Variants in C21orf58 observed in about 807,000 individuals in gnomAD.
C21orf58 encodes the protein uncharacterized protein C21orf58.
A neutral mutation model predicts 35.8 loss-of-function variants in C21orf58; 34 were observed. The observed-to-expected ratio is 0.95, with a 90% CI of 0.72 to 1.26. The LOEUF (loss-of-function observed/expected upper bound fraction) is 1.26, where lower values mean the gene tolerates loss of function less well. C21orf58 is among the 50% of genes most tolerant of loss of function. C21orf58 has a pLI of 0.00. For missense variants in C21orf58, 440 were observed against 414.3 expected, an observed-to-expected ratio of 1.06 and a Z score of -0.54; for synonymous variants, 191 against 175.8, an observed-to-expected ratio of 1.09 and a Z score of -0.68.
rs1174487581 is a variant in C21orf58 at position 46,301,928 on chromosome 21, C to T, written c.*71G>A. The T allele has an allele frequency of 3.4e-5, 48 of 1,400,652 alleles. No individual in the cohort carries two copies. Among genetic ancestry groups the T allele is most frequent in the South Asian group, 2.4e-4 (15 of 61,556 alleles). The allele number at this position is 1,400,652 out of a possible 1,614,324, so 86.8% of individuals were successfully genotyped here. On this transcript the variant is annotated 3_prime_UTR_variant, in exon 8 of 8. Coordinates refer to ENST00000291691, the MANE Select transcript of C21orf58 (RefSeq NM_058180.5). ...CTCTCCCTGCTCCCTTCCATAGTCC[C>T]GCCACAGCCCACAGCCCTGAGGAAG...
intron 6 of C21orf58, among the ~76,000 whole-genome samples, chr21:46,309,777 A>G (rs908369120): frequency 2.6e-5 from 4 of 151,820 alleles, no homozygotes; most frequent in South Asian, 2.1e-4. Flanking sequence ...TGGGTGGATC[A>G]TGAGGTCAGG....
intron 6 of C21orf58, among the ~76,000 whole-genome samples, chr21:46,305,835 G>A (rs777927672): frequency 4.6e-5 from 7 of 152,070 alleles, no homozygotes; most frequent in African/African-American, 1.2e-4. Context: ...CCAGCTACTC[G>A]GAAGGCTGAG....
At chr21:46,304,005 C>A (rs1953051762) in intron 6 of C21orf58, among the ~76,000 whole-genome samples, 1 of 136,134 alleles carries the variant, frequency 7.3e-6, no homozygotes, top group South Asian at 2.4e-4. Flanking sequence ...CCTGCCTTGG[C>A]TTCCCAAAGT....
chr21:46,301,908 C>T lies in C21orf58; in HGVS notation c.*91G>A, dbSNP rs1169785260. ...ACTCCGGGTGGTGGCAGGGTCTCTC[C>T]CTGCTCCCTTCCATAGTCCCGCCAC... is the stretch of plus-strand genomic sequence containing the variant. On this transcript the variant is annotated 3_prime_UTR_variant, in exon 8 of 8. Transcript: ENST00000291691. 7.3e-7 allele frequency: 1 copy of T among 1,377,586 alleles called. No individual in the cohort carries two copies. The highest frequency in any genetic ancestry group is 1.5e-5 in the African/African-American group (1 of 66,788). 85.3% of individuals were successfully genotyped at this position (1,377,586 alleles called of 1,614,324 possible).
rs768036837 is a variant in C21orf58, at chr21:46,322,714, T to C, written c.25A>G (p.Thr9Ala). MARSRLPATSLRKPWKLDR... is the reference protein window; with the variant it reads MARSRLPAASLRKPWKLDR... ...AGCTTCCACGGCTTCCTGAGGGAGG[T>C]TGCAGGGAGCCGAGATCGCGCCATT... Residue 9 changes from threonine (T) to alanine (A), a missense_variant, in exon 1 of 8, where the codon ACC (threonine) becomes GCC (alanine). Coordinates refer to ENST00000291691, the MANE Select transcript of C21orf58 (RefSeq NM_058180.5). 32 of 1,558,312 alleles carry C rather than the reference T, an allele frequency of 2.1e-5. No homozygotes were observed. In the Admixed American group the frequency reaches 3.1e-4, roughly 15 times the overall value.
chr21:46,321,113 CAT>C (rs780120789), intron 1 of C21orf58, among the ~76,000 whole-genome samples: 27 of 152,224 alleles, frequency 1.8e-4, no homozygotes, highest in South Asian at 6.2e-4. Context: ...CCACATACCA[CAT>C]GTGTGGCTTC....
chr21:46,302,031 C>G lies in C21orf58; in HGVS notation c.937G>C (p.Ala313Pro). The change falls in exon 8 of 8, where the codon GCC (alanine) becomes CCC (proline). Residue 313 changes from alanine to proline, a missense_variant. Physicochemically the swap from Ala to Pro is conservative, Grantham distance 27. Transcript: ENST00000291691. ...PPGAATVLQP[A>P]PSLWTPGPP is the part of the protein sequence containing the mutation. ...GGGCCAGGCGTCCACAGGCTGGGGG[C>G]GGGCTGGAGGACAGTGGCAGCCCCA... The G allele has an allele frequency of 1.3e-6, 2 of 1,535,376 alleles. No homozygotes were observed. The highest frequency in any genetic ancestry group is 1.8e-6 in the Non-Finnish European group (2 of 1,140,618).
chr21:46,322,224 C>A (rs566505567), intron 1 of C21orf58, among the ~76,000 whole-genome samples: 1 of 152,102 alleles, frequency 6.6e-6, no homozygotes, highest in South Asian at 2.1e-4. Context: ...GAAGTTGAGG[C>A]TGCAATGAGC....
chr21:46,303,957 T>G (rs982525284), intron 6 of C21orf58, among the ~76,000 whole-genome samples: 1 of 146,184 alleles, frequency 6.8e-6, no homozygotes, highest in African/African-American at 2.5e-5. Context: ...TTCACCGTGT[T>G]AGCCAGGATG....
At chr21:46,311,691 C>G in intron 5 of C21orf58, 124 bp from the exon 6 acceptor site, 1 of 445,960 alleles carries the variant, frequency 2.2e-6, no homozygotes, top group Non-Finnish European at 4.1e-6. Flanking sequence ...ACCCATCCAT[C>G]CAACCAACCA....
chr21:46,316,895 AC>A (rs2082994244), intron 3 of C21orf58, among the ~76,000 whole-genome samples: 1 of 152,200 alleles, frequency 6.6e-6, no homozygotes, highest in Admixed American at 6.5e-5. Flanking sequence ...AGGGTCTGGA[AC>A]CAGAGCAACT....
chr21:46,318,408 T>A (rs1190016341), intron 1 of C21orf58, 188 bp from the exon 2 acceptor site: 5 of 1,429,960 alleles, frequency 3.5e-6, no homozygotes, highest in Non-Finnish European at 4.6e-6. Flanking sequence ...TGTGGCCAGC[T>A]GGGCTTCATG....
At chr21:46,321,138 C>T (rs989900157) in intron 1 of C21orf58, among the ~76,000 whole-genome samples, 8 of 152,100 alleles carry the variant, frequency 5.3e-5, no homozygotes, top group Non-Finnish European at 8.8e-5. Context: ...CTCTTATTAA[C>T]ATCTTACCTT....
intron 5 of C21orf58, among the ~76,000 whole-genome samples, chr21:46,313,362 G>A (rs2082824272): frequency 6.6e-6 from 1 of 152,218 alleles, no homozygotes; most frequent in Non-Finnish European, 1.5e-5. Context: ...CCGGTCTGAA[G>A]CTGTGGTTTG....
intron 5 of C21orf58, among the ~76,000 whole-genome samples, chr21:46,314,097 A>G (rs1368740161): frequency 6.7e-6 from 1 of 149,968 alleles, no homozygotes; most frequent in Non-Finnish European, 1.5e-5. Flanking sequence ...TGCCCTTGAC[A>G]TTGGGGCCTT....
At chr21:46,308,417 C>T (rs1013745480) in intron 6 of C21orf58, among the ~76,000 whole-genome samples, 17 of 151,826 alleles carry the variant, frequency 1.1e-4, no homozygotes, top group African/African-American at 2.4e-4. Flanking sequence ...GCCGGGATCA[C>T]GACACTGCAC....
At chr21:46,308,622 T>C (rs529316036) in intron 6 of C21orf58, among the ~76,000 whole-genome samples, 1 of 152,286 alleles carries the variant, frequency 6.6e-6, no homozygotes, top group African/African-American at 2.4e-5. Flanking sequence ...TGTTCATTAC[T>C]GTGGTTGGAA....
chr21:46,317,434 GAGCTGCCTCTGTA>G, intron 2 of C21orf58, 166 bp from the exon 3 acceptor site: 1 of 1,204,164 alleles, frequency 8.3e-7, no homozygotes, highest in Non-Finnish European at 1.2e-6. Flanking sequence ...GGATCTCCCT[GAGCTGCCTCTGTA>G]AGCCTGACCT....
chr21:46,301,999 T>G lies in C21orf58; in HGVS notation c.969A>C (p.Ter323CysextTer2), dbSNP rs760787318. 5.8e-5 allele frequency: 88 copies of G among 1,526,500 alleles called. No homozygotes were observed. The highest frequency in any genetic ancestry group is 2.6e-4 in the Admixed American group (12 of 47,002). 94.6% of individuals were successfully genotyped at this position (1,526,500 alleles called of 1,614,324 possible). A position where few individuals can be genotyped will look rare whatever the true frequency, so the allele number is the denominator to read the frequency against. Residue 323 changes from the stop codon to cysteine, a stop_lost, in exon 8 of 8, where the codon TGA becomes TGC. Transcript: ENST00000291691. The stretch of plus-strand genomic sequence containing the variant: ...CGGCCAGGGTCTCTGTGACTCACAC[T>G]CAGGGTGGGCCAGGCGTCCACAGGC... Reference protein sequence around the residue: ...APSLWTPGPP* With the variant: ...APSLWTPGPPC
Sources: gnomAD v4.1 joint callset for allele counts (sites outside exome capture counted in the v4.1 genomes callset) on GRCh38, gnomAD v4.1.1 for gene constraint, MANE v1.5 for transcripts, NCBI Gene and HGNC (gene_info 2026-07-23, HGNC 2026-07-21) for gene names.